Variants in RNLS observed in about 807,000 individuals in gnomAD.
RNLS encodes renalase.
Under a neutral mutation model 39.8 loss-of-function variants are expected in RNLS, and 39 were observed. That is an observed-to-expected ratio of 0.98 (90% confidence interval 0.76 to 1.28). The LOEUF (loss-of-function observed/expected upper bound fraction) is 1.28. Ranked by LOEUF, RNLS falls within the 50% of genes most tolerant of loss-of-function variation. The pLI is 0.00. For missense variants in RNLS, 410 were observed against 413.3 expected, an observed-to-expected ratio of 0.99 and a Z score of 0.07; for synonymous variants, 147 against 150.7, an observed-to-expected ratio of 0.98 and a Z score of 0.18.
At chr10:88,511,011 T>A (rs1846089129) in intron 4 of RNLS, among the ~76,000 whole-genome samples, 1 of 139,796 alleles carries the variant, frequency 7.2e-6, no homozygotes, top group Admixed American at 7.6e-5. Context: ...ATTATGCCCA[T>A]TTTACAAATG....
chr10:88,266,733 ACACC>A, the RNLS span, among the ~76,000 whole-genome samples: 1 of 142,848 alleles, frequency 7.0e-6, no homozygotes, highest in African/African-American at 2.6e-5. Flanking sequence ...ACACACACAC[ACACC>A]CCACACACAC....
At chr10:88,231,243 A>G in the RNLS span, among the ~76,000 whole-genome samples, 118 of 152,320 alleles carry the variant, frequency 7.7e-4, no homozygotes, top group Admixed American at 1.7e-3. Context: ...CTCTAATTCA[A>G]TATAACTGGT....
intron 3 of RNLS, 95 bp from the exon 4 acceptor site, chr10:88,573,156 C>T: frequency 8.4e-7 from 1 of 1,189,290 alleles, no homozygotes; most frequent in Non-Finnish European, 1.2e-6. Context: ...TTCAAGTGAA[C>T]AAAATGGCCA....
chr10:88,309,270 CTTAAAAG>C (rs1845174123), intron 6 of RNLS: 1 of 353,638 alleles, frequency 2.8e-6, no homozygotes, highest in Non-Finnish European at 4.0e-6. Context: ...TACCCCTGAA[CTTAAAAG>C]TTAAAAAATA....
intron 4 of RNLS, among the ~76,000 whole-genome samples, chr10:88,366,663 GAAAAAAAAAAA>G (rs774157650): frequency 3.1e-4 from 8 of 25,832 alleles, no homozygotes; most frequent in South Asian, 2.2e-3. Context: ...TAAGTTTTCT[GAAAAAAAAAAA>G]AAAAAAAAAA....
chr10:88,362,483 A>T, intron 5 of RNLS, 69 bp downstream of exon 5: 1 of 1,420,942 alleles, frequency 7.0e-7, no homozygotes, highest in Non-Finnish European at 9.7e-7. Context: ...ACACTCAATT[A>T]AACAGCATTT....
the RNLS span, among the ~76,000 whole-genome samples, chr10:88,245,201 G>A: frequency 1.3e-5 from 2 of 152,338 alleles, no homozygotes; most frequent in South Asian, 4.1e-4. Flanking sequence ...AGAAATAACA[G>A]TTGTTGCTTT....
chr10:88,193,565 C>T, the RNLS span, among the ~76,000 whole-genome samples: 45 of 152,176 alleles, frequency 3.0e-4, no homozygotes, highest in African/African-American at 7.9e-4. Flanking sequence ...CAAAATCATA[C>T]GTATTTTTTA....
At chr10:88,573,688 A>C (rs1849985529) in intron 3 of RNLS, among the ~76,000 whole-genome samples, 1 of 152,222 alleles carries the variant, frequency 6.6e-6, no homozygotes, top group African/African-American at 2.4e-5. Context: ...TTTCCTTCTT[A>C]GCACTTAACA....
rs562147445 is a variant in RNLS at position 88,467,443 on chromosome 10, A to T, written c.527-104718T>A. Among the ~76,000 whole-genome samples the T allele has an allele frequency of 1.5e-4, 23 of 152,250 alleles. No homozygotes were observed. The East Asian group carries it at 2.1e-3, about 14-fold the overall frequency. ...AGAAAAACAAAACCAAAAAATTTTT[A>T]AAAATCTTAACAACTATCTTTAGAC... is the stretch of plus-strand genomic sequence containing the variant. On this transcript the variant is annotated intron_variant, in intron 4 of 6. Coordinates refer to ENST00000331772, the MANE Select transcript of RNLS (RefSeq NM_001031709.3).
At chr10:88,359,276 A>G (rs1265969603) in intron 5 of RNLS, among the ~76,000 whole-genome samples, 2 of 151,886 alleles carry the variant, frequency 1.3e-5, no homozygotes, top group African/African-American at 4.8e-5. Context: ...AGATCTTGCC[A>G]CTACACTACA....
At chr10:88,579,104 G>C (rs542840145) in intron 3 of RNLS, among the ~76,000 whole-genome samples, 1 of 152,068 alleles carries the variant, frequency 6.6e-6, no homozygotes, top group African/African-American at 2.4e-5. Context: ...CAAAGATACA[G>C]GAGTCCATTT....
At chr10:88,263,560 A>G in the RNLS span, among the ~76,000 whole-genome samples, 2 of 152,022 alleles carry the variant, frequency 1.3e-5, no homozygotes, top group Non-Finnish European at 1.5e-5. Flanking sequence ...TTTTTCTTGA[A>G]GAGGGTTGCC....
At chr10:88,210,224 G>A in the RNLS span, among the ~76,000 whole-genome samples, 2 of 152,156 alleles carry the variant, frequency 1.3e-5, no homozygotes, top group Non-Finnish European at 1.5e-5. Flanking sequence ...GAGGGACTGA[G>A]ACTTCTTTTC....
intron 5 of RNLS, among the ~76,000 whole-genome samples, chr10:88,355,627 G>A (rs1163525046): frequency 1.3e-5 from 2 of 152,176 alleles, no homozygotes; most frequent in East Asian, 3.9e-4. Flanking sequence ...CCCCTACTGA[G>A]GGGTGCCTCC....
intron 4 of RNLS, among the ~76,000 whole-genome samples, chr10:88,427,299 A>G (rs183528837): frequency 1.3e-5 from 2 of 152,146 alleles, no homozygotes; most frequent in Admixed American, 1.3e-4. Context: ...GAATCAGGGT[A>G]TGGCATTGAG....
At chr10:88,418,755 C>T (rs151313025) in intron 4 of RNLS, among the ~76,000 whole-genome samples, 32 of 152,216 alleles carry the variant, frequency 2.1e-4, no homozygotes, top group South Asian at 2.1e-3. Context: ...AACCACATCT[C>T]GGGGTATGTG....
At chr10:88,322,761 A>G (rs547159062) in intron 5 of RNLS, among the ~76,000 whole-genome samples, 1 of 152,294 alleles carries the variant, frequency 6.6e-6, no homozygotes, top group East Asian at 1.9e-4. Context: ...CCTATTCAAC[A>G]TATTACTGGA....
intron 1 of RNLS, among the ~76,000 whole-genome samples, 174 bp downstream of exon 1, chr10:88,582,899 C>T (rs1430162179): frequency 6.6e-6 from 1 of 152,218 alleles, no homozygotes; most frequent in East Asian, 1.9e-4. Flanking sequence ...CGGCGGAAGT[C>T]CCCGATCACG....
Sources: gnomAD v4.1 joint callset for allele counts (sites outside exome capture counted in the v4.1 genomes callset) on GRCh38, gnomAD v4.1.1 for gene constraint, MANE v1.5 for transcripts, NCBI Gene and HGNC (gene_info 2026-07-23, HGNC 2026-07-21) for gene names.